The following JAM3 variants were observed in gnomAD, a reference collection of about 807,000 sequenced individuals.
The protein encoded by JAM3 is junctional adhesion molecule 3.
In JAM3, 31 loss-of-function variants were observed where a neutral mutation model predicts 39.4. The observed-to-expected ratio is 0.79, with a 90% CI of 0.59 to 1.06. JAM3 has a LOEUF of 1.06. JAM3 is among the 50% of genes least tolerant of loss of function. JAM3 has a pLI of 0.00. For missense variants in JAM3, 455 were observed against 391.4 expected (o/e 1.16, Z -1.37); for synonymous variants, 182 against 148.7 (o/e 1.22, Z -1.63).
intron 1 of JAM3, among the ~76,000 whole-genome samples, chr11:134,103,655 G>C (rs1397955767): frequency 1.3e-5 from 2 of 152,130 alleles, no homozygotes; most frequent in Non-Finnish European, 2.9e-5. Flanking sequence ...TTAAAATAAA[G>C]GGATGGAGAA....
At chr11:134,123,869 C>T in intron 1 of JAM3, 3 of 853,412 alleles carry the variant, frequency 3.5e-6, no homozygotes, top group Non-Finnish European at 6.1e-6. Flanking sequence ...AGCGTAATCA[C>T]ATCTTAGGTC....
intron 1 of JAM3, among the ~76,000 whole-genome samples, chr11:134,085,983 A>G (rs1480036325): frequency 6.6e-6 from 1 of 152,176 alleles, no homozygotes; most frequent in East Asian, 1.9e-4. Flanking sequence ...TTATTTTAAA[A>G]TAATTTGGAG....
intron 1 of JAM3, among the ~76,000 whole-genome samples, chr11:134,131,118 A>AAG (rs1942760675): frequency 1.3e-5 from 2 of 152,076 alleles, no homozygotes; most frequent in African/African-American, 4.8e-5. Flanking sequence ...ACAAGATGCT[A>AAG]AGATTCATCC....
At chr11:134,134,914 A>G (rs1565501439) in intron 1 of JAM3, among the ~76,000 whole-genome samples, 2 of 152,166 alleles carry the variant, frequency 1.3e-5, no homozygotes, top group Non-Finnish European at 2.9e-5. Flanking sequence ...CTTATCATAT[A>G]TATATGCTTT....
At position 134,149,744 on chromosome 11, in the gene JAM3, C is replaced by A; in HGVS notation, c.*563C>A. ...ATTGTGGAGAAGCTTTTTGGATCAG[C>A]ATTTTGTAAAAACAACCAAAATCAG... is the stretch of plus-strand genomic sequence containing the variant. On this transcript the variant is annotated 3_prime_UTR_variant, in exon 9 of 9. Transcript: ENST00000299106. 2.3e-6 allele frequency: 1 copy of A among 438,748 alleles called. No homozygotes were observed. The allele number at this position is 438,748 out of a possible 1,614,324, so 27.2% of individuals were successfully genotyped here.
At position 134,148,809 on chromosome 11, in the gene JAM3, TGA is replaced by T. The variant is rs750040081; in HGVS notation, c.889_890del (p.Asp297ArgfsTer48). 4 of 1,614,132 alleles carry T rather than the reference TGA, an allele frequency of 2.5e-6. No homozygotes were observed. On this transcript the variant is annotated frameshift_variant, in exon 8 of 9. Coordinates refer to ENST00000299106, the MANE Select transcript of JAM3 (RefSeq NM_032801.5). LOFTEE classifies it high-confidence loss of function. ...KPDGVNYIRT[D>X]EEGDFRHKSS... Reference sequence around the variant, plus strand: ...CAGATGGAGTTAACTACATCCGCACTGACGAGGAGGTAATCATTTAGTAAACC... The same window carrying T: ...CAGATGGAGTTAACTACATCCGCACTCGAGGAGGTAATCATTTAGTAAACC...
At chr11:134,119,748 A>C (rs1189339661) in intron 1 of JAM3, among the ~76,000 whole-genome samples, 2 of 151,634 alleles carry the variant, frequency 1.3e-5, no homozygotes, top group Admixed American at 6.6e-5. Flanking sequence ...AAAGTTCACA[A>C]ATTTAAATGT....
intron 8 of JAM3, 137 bp downstream of exon 8, chr11:134,148,955 AACACACACACACACACAC>A (rs368934602): frequency 8.0e-5 from 55 of 689,924 alleles, no homozygotes; most frequent in African/African-American, 4.9e-4. Context: ...CCTTCACAGT[AACACACACACACACACAC>A]ACACACACAC....
At chr11:134,112,546 CAT>C (rs1942336326) in intron 1 of JAM3, among the ~76,000 whole-genome samples, 1 of 152,160 alleles carries the variant, frequency 6.6e-6, no homozygotes, top group Non-Finnish European at 1.5e-5. Context: ...GACACACACA[CAT>C]ATTTTGCTAA....
At chr11:134,088,256 A>G (rs1941776726) in intron 1 of JAM3, among the ~76,000 whole-genome samples, 1 of 152,232 alleles carries the variant, frequency 6.6e-6, no homozygotes, top group Non-Finnish European at 1.5e-5. Flanking sequence ...CAAAACAAAA[A>G]TTGACAAATT....
chr11:134,104,310 G>T (rs994379399), intron 1 of JAM3, among the ~76,000 whole-genome samples: 1 of 152,178 alleles, frequency 6.6e-6, no homozygotes, highest in Non-Finnish European at 1.5e-5. Flanking sequence ...TGAAACCAAT[G>T]AGAACAAAGA....
intron 1 of JAM3, among the ~76,000 whole-genome samples, chr11:134,125,984 T>C (rs915185701): frequency 7.2e-5 from 11 of 152,210 alleles, no homozygotes; most frequent in African/African-American, 2.7e-4. Flanking sequence ...ATCATGCTCT[T>C]TGTGAAACTA....
intron 1 of JAM3, among the ~76,000 whole-genome samples, chr11:134,095,408 G>A (rs1412129501): frequency 1.3e-5 from 2 of 152,130 alleles, no homozygotes; most frequent in Non-Finnish European, 2.9e-5. Context: ...GAGGCAGGCA[G>A]ATCACGAGGT....
intron 1 of JAM3, among the ~76,000 whole-genome samples, chr11:134,115,823 G>T (rs1214318808): frequency 6.6e-6 from 1 of 152,082 alleles, no homozygotes; most frequent in Non-Finnish European, 1.5e-5. Flanking sequence ...TTTGAGTCCA[G>T]GAGTTTGAGG....
chr11:134,139,749 A>G, intron 1 of JAM3, 102 bp from the exon 2 acceptor site: 1 of 866,628 alleles, frequency 1.2e-6, no homozygotes, highest in South Asian at 1.3e-5. Context: ...CTCTGTGGTT[A>G]GTAACCATAG....
intron 1 of JAM3, among the ~76,000 whole-genome samples, chr11:134,093,917 C>A (rs1376190562): frequency 3.3e-5 from 4 of 120,180 alleles, no homozygotes; most frequent in African/African-American, 3.4e-5. Context: ...CATGTCACTT[C>A]CTGAGGGAAG....
intron 1 of JAM3, among the ~76,000 whole-genome samples, chr11:134,125,109 C>T (rs1181032391): frequency 1.3e-5 from 2 of 152,312 alleles, no homozygotes; most frequent in South Asian, 4.1e-4. Flanking sequence ...CCGAGGTGCA[C>T]GGCCGCCGCC....
At chr11:134,069,208 G>C (rs1352750169) in intron 1 of JAM3, 49 bp downstream of exon 1, 1 of 1,595,468 alleles carries the variant, frequency 6.3e-7, no homozygotes, top group Non-Finnish European at 8.5e-7. Context: ...TGGGGGCGAC[G>C]GAAGCAGAGC....
At chr11:134,117,079 C>T (rs903230866) in intron 1 of JAM3, among the ~76,000 whole-genome samples, 4 of 151,802 alleles carry the variant, frequency 2.6e-5, no homozygotes, top group East Asian at 1.9e-4. Context: ...AAACAATCCA[C>T]GGCCAGGCAC....
Sources: allele counts gnomAD v4.1 joint callset (sites outside exome capture counted in the v4.1 genomes callset), GRCh38; gene constraint gnomAD v4.1.1; transcripts MANE v1.5; gene names NCBI Gene and HGNC (gene_info 2026-07-23, HGNC 2026-07-21).